ZNF676: variants seen among roughly 807,000 people sequenced by gnomAD.
The protein encoded by ZNF676 is zinc finger protein 676.
Under a neutral mutation model 6.0 loss-of-function variants are expected in ZNF676, and 4 were observed. The observed-to-expected ratio is 0.67, with a 90% CI of 0.33 to 1.53. The LOEUF (loss-of-function observed/expected upper bound fraction) is 1.53. ZNF676 is among the 40% of genes most tolerant of loss of function. The pLI is 0.06. For missense variants in ZNF676, 644 were observed against 679.7 expected, an observed-to-expected ratio of 0.95 and a Z score of 0.58; for synonymous variants, 198 against 223.1, an observed-to-expected ratio of 0.89 and a Z score of 1.00.
intron 1 of ZNF676, chr19:22,215,496 G>A (rs556636290): frequency 5.0e-6 from 5 of 1,003,020 alleles, no homozygotes; most frequent in South Asian, 1.4e-5. Flanking sequence ...TATGGCTGAA[G>A]GGGACTGAGG....
the ZNF676 span, among the ~76,000 whole-genome samples, chr19:22,250,624 TG>T: frequency 6.6e-6 from 1 of 152,100 alleles, no homozygotes; most frequent in Non-Finnish European, 1.5e-5. Flanking sequence ...GGTCATTGTT[TG>T]TTTGTTTTTG....
At chr19:22,234,232 C>A in the ZNF676 span, among the ~76,000 whole-genome samples, 1 of 152,190 alleles carries the variant, frequency 6.6e-6, no homozygotes, top group South Asian at 2.1e-4. Context: ...TTATACAGAA[C>A]CGTCTGTAAA....
upstream of ZNF676, among the ~76,000 whole-genome samples, chr19:22,199,042 C>A (rs928966117): frequency 7.2e-5 from 11 of 151,868 alleles, no homozygotes; most frequent in African/African-American, 1.9e-4. Flanking sequence ...GGAAAGGGCA[C>A]AAGTAAAGAG....
At chr19:22,183,901 CTG>C (rs2023795597) in intron 2 of ZNF676, among the ~76,000 whole-genome samples, 3 of 152,124 alleles carry the variant, frequency 2.0e-5, no homozygotes, top group South Asian at 4.1e-4. Flanking sequence ...AACTGGGAAT[CTG>C]TGAAAAATCT....
chr19:22,195,937 C>A (rs2023962223), intron 1 of ZNF676, among the ~76,000 whole-genome samples: 1 of 152,160 alleles, frequency 6.6e-6, no homozygotes. Flanking sequence ...GCCTGGAGAG[C>A]CTCAATCCTT....
the ZNF676 span, among the ~76,000 whole-genome samples, chr19:22,229,202 C>A: frequency 6.6e-6 from 1 of 152,128 alleles, no homozygotes; most frequent in African/African-American, 2.4e-5. Context: ...CACCACACAT[C>A]TACAACCATC....
Position 22,210,524 on chromosome 19 carries a change from G to A in ZNF676, c.3+5108C>T, listed in dbSNP as rs1229532321. On this transcript the variant is annotated intron_variant, in intron 1 of 3. Coordinates refer to the ZNF676 transcript ENST00000650058. Reference sequence around the variant, plus strand: ...ACAACCCCCAAAAAGTCAAATGGAAGAAAAGTATAGAACCAAGAAAAAAGG... The same window carrying A: ...ACAACCCCCAAAAAGTCAAATGGAAAAAAAGTATAGAACCAAGAAAAAAGG... Among the ~76,000 whole-genome samples, 7 of 152,226 alleles carry A rather than the reference G, an allele frequency of 4.6e-5. No homozygotes were observed. In the East Asian group the frequency reaches 1.4e-3, roughly 29 times the overall value.
chr19:22,242,108 C>G, the ZNF676 span, among the ~76,000 whole-genome samples: 14 of 152,008 alleles, frequency 9.2e-5, no homozygotes, highest in Admixed American at 9.2e-4. Context: ...AGCTTAGCTA[C>G]AAGAGACAGT....
chr19:22,237,523 C>T, the ZNF676 span, among the ~76,000 whole-genome samples: 4 of 152,124 alleles, frequency 2.6e-5, no homozygotes, highest in South Asian at 4.1e-4. Flanking sequence ...TCTAGGGGGC[C>T]GCTGGGACTT....
intron 1 of ZNF676, among the ~76,000 whole-genome samples, chr19:22,209,696 G>A (rs12461513): frequency 7.2e-5 from 11 of 152,286 alleles, no homozygotes; most frequent in African/African-American, 2.6e-4. Flanking sequence ...GTGCAATGCA[G>A]GTGGAAGGAC....
chr19:22,243,691 G>A, the ZNF676 span: 2 of 152,358 alleles, frequency 1.3e-5, no homozygotes, highest in Non-Finnish European at 2.9e-5. Flanking sequence ...TCTGAGCATA[G>A]TTGGCAAGGT....
At position 22,180,510 on chromosome 19, in the gene ZNF676, T is replaced by G. The variant is rs769014606; in HGVS notation, c.1207A>C (p.Asn403His). The G allele has an allele frequency of 6.2e-7, 1 of 1,607,794 alleles. No individual in the cohort carries two copies. Among genetic ancestry groups the G allele is most frequent in the South Asian group, 1.1e-5 (1 of 90,686 alleles). ...YKCEECGKASNSSSKLMEHKR... is the reference protein window; with the variant it reads ...YKCEECGKASHSSSKLMEHKR... ...TGTTCCATGAGCTTTGAGGATGAGTTGGAAGCTTTGCCACATTCTTCACAT... is the reference window on the plus strand; with the variant it reads ...TGTTCCATGAGCTTTGAGGATGAGTGGGAAGCTTTGCCACATTCTTCACAT... The change falls in exon 3 of 3, where the codon AAC (asparagine) becomes CAC (histidine). Residue 403 changes from asparagine (N) to histidine (H), a missense_variant. By Grantham distance (68) the Asn-to-His change is moderately conservative. This residue lies in a region of ZNF676 where 306 missense variants were observed against 265.4 expected (regional missense o/e 1.15). Coordinates refer to ENST00000397121, the MANE Select transcript of ZNF676 (RefSeq NM_001001411.3).
chr19:22,212,580 C>A (rs748989119), intron 1 of ZNF676, among the ~76,000 whole-genome samples: 2 of 152,042 alleles, frequency 1.3e-5, no homozygotes, highest in Admixed American at 1.3e-4. Flanking sequence ...TGGTGGGCAC[C>A]TGTAGTCCCA....
chr19:22,189,033 AT>A (rs2023872370), intron 2 of ZNF676, among the ~76,000 whole-genome samples: 1 of 151,850 alleles, frequency 6.6e-6, no homozygotes, highest in East Asian at 1.9e-4. Context: ...CAAAAAAAAA[AT>A]CTCACATGGC....
At chr19:22,184,504 A>G (rs950853790) in intron 2 of ZNF676, among the ~76,000 whole-genome samples, 2 of 152,102 alleles carry the variant, frequency 1.3e-5, no homozygotes, top group African/African-American at 4.8e-5. Context: ...AGTGCCCAGA[A>G]GGCCAGTGAG....
chr19:22,185,316 A>G (rs2023821388), intron 2 of ZNF676, among the ~76,000 whole-genome samples: 2 of 152,104 alleles, frequency 1.3e-5, no homozygotes, highest in South Asian at 4.1e-4. Flanking sequence ...AAAGGAATAG[A>G]AGCAACATCT....
chr19:22,234,795 G>A, the ZNF676 span, among the ~76,000 whole-genome samples: 4 of 151,960 alleles, frequency 2.6e-5, no homozygotes, highest in Non-Finnish European at 4.4e-5. Flanking sequence ...TTAGCCAGAC[G>A]TAGTGGTGGG....
intron 1 of ZNF676, among the ~76,000 whole-genome samples, chr19:22,193,543 C>G (rs1271387670): frequency 6.6e-6 from 1 of 151,970 alleles, no homozygotes; most frequent in African/African-American, 2.4e-5. Flanking sequence ...GGTTTTGAGT[C>G]TCAAGAATTA....
intron 1 of ZNF676, among the ~76,000 whole-genome samples, chr19:22,195,348 G>C (rs542835976): frequency 6.6e-6 from 1 of 152,132 alleles, no homozygotes. Flanking sequence ...ATTTTGGGTC[G>C]CATCCCTGGG....
Sources: allele counts gnomAD v4.1 joint callset (sites outside exome capture counted in the v4.1 genomes callset), GRCh38; gene constraint gnomAD v4.1.1; regional missense constraint gnomAD v4.1.1; transcripts MANE v1.5; gene names NCBI Gene and HGNC (gene_info 2026-07-23, HGNC 2026-07-21).